NRK: variants seen among roughly 807,000 people sequenced by gnomAD.
The protein encoded by NRK is Nik related kinase.
NRK carries 67 observed loss-of-function variants against 125.2 expected under a neutral mutation model. The observed-to-expected ratio is 0.54, with a 90% CI of 0.44 to 0.66. The LOEUF (loss-of-function observed/expected upper bound fraction) is 0.66, where lower values mean the gene tolerates loss of function less well. Among genes scored for constraint, NRK ranks in the 30% least tolerant of loss-of-function variants. The probability of loss-of-function intolerance (pLI) is 0.00; values close to 1 mark genes in which losing one functional copy is unlikely to be tolerated. For missense variants in NRK, 1,224 were observed against 1,192.9 expected (o/e 1.03, Z -0.38); for synonymous variants, 458 against 429.0 (o/e 1.07, Z -0.84).
At chrX:105,954,077 G>A (rs1392931422) in intron 28 of NRK, among the ~76,000 whole-genome samples, 1 of 111,114 alleles carries the variant, frequency 9.0e-6, no homozygotes, top group Non-Finnish European at 1.9e-5. Context: ...CTGATCCTTA[G>A]TTCCTTCATC....
chrX:105,935,677 C>G (rs2040654803), intron 21 of NRK, among the ~76,000 whole-genome samples: 1 of 108,759 alleles, frequency 9.2e-6, no homozygotes, highest in Admixed American at 1.0e-4. Flanking sequence ...GTAATCCCAG[C>G]TACTTGGGAG....
chrX:105,824,832 G>A (rs757193299), intron 1 of NRK, among the ~76,000 whole-genome samples: 6 of 111,257 alleles, frequency 5.4e-5, no homozygotes, highest in African/African-American at 1.3e-4. Flanking sequence ...GGGGAGTAGC[G>A]AGAAGATACA....
chrX:105,857,754 G>A (rs1347422440), intron 2 of NRK, among the ~76,000 whole-genome samples: 2 of 111,591 alleles, frequency 1.8e-5, no homozygotes, highest in African/African-American at 3.3e-5. Context: ...TTGCAGACAC[G>A]TGGGCACATA....
rs1038955333 is a variant in NRK, at chrX:105,956,418, C to A, written c.*818C>A. The A allele has an allele frequency of 8.9e-6, 1 of 111,767 alleles. No individual in the cohort carries two copies. The highest frequency in any genetic ancestry group is 3.3e-5 in the African/African-American group (1 of 30,662). The allele number at this position is 111,767 out of a possible 1,213,427, so 9.2% of individuals were successfully genotyped here. A position where few individuals can be genotyped will look rare whatever the true frequency, so the allele number is the denominator to read the frequency against. ...TTTTTTAATACCTTAAGGTAGGCGT[C>A]AAATTCTACTCCCCAAAGCAGAGAT... On this transcript the variant is annotated 3_prime_UTR_variant, in exon 29 of 29. Transcript: ENST00000243300.
chrX:105,926,628 C>A (rs2040527463), intron 19 of NRK, among the ~76,000 whole-genome samples: 1 of 111,228 alleles, frequency 9.0e-6, no homozygotes, highest in Non-Finnish European at 1.9e-5. Flanking sequence ...GGTTTCAGAT[C>A]TTACATTTAA....
At chrX:105,926,850 A>G (rs937091113) in intron 19 of NRK, among the ~76,000 whole-genome samples, 3 of 111,116 alleles carry the variant, frequency 2.7e-5, no homozygotes, top group African/African-American at 9.8e-5. Flanking sequence ...ATACCGTTCC[A>G]TTGGTATGTG....
intron 2 of NRK, among the ~76,000 whole-genome samples, chrX:105,871,603 A>G (rs2039748580): frequency 9.0e-6 from 1 of 111,280 alleles, no homozygotes; most frequent in Non-Finnish European, 1.9e-5. Context: ...ATGATGTGCC[A>G]GGTACTGTGC....
intron 11 of NRK, among the ~76,000 whole-genome samples, chrX:105,906,801 G>T (rs2040226093): frequency 9.5e-6 from 1 of 105,222 alleles, no homozygotes; most frequent in African/African-American, 3.7e-5. Context: ...GTGTGTGTGT[G>T]TGTGTGTATA....
intron 7 of NRK, among the ~76,000 whole-genome samples, chrX:105,896,977 A>G (rs1327755085): frequency 8.9e-6 from 1 of 112,860 alleles, no homozygotes; most frequent in African/African-American, 3.2e-5. Flanking sequence ...ACACTGTCAT[A>G]TACTTGTGTC....
At chrX:105,851,460 T>A (rs920572247) in intron 2 of NRK, among the ~76,000 whole-genome samples, 3 of 112,324 alleles carry the variant, frequency 2.7e-5, no homozygotes, top group Non-Finnish European at 5.6e-5. Context: ...CCTTCCACAT[T>A]TCTCAAAATT....
chrX:105,823,238 C>T (rs1322791484), intron 1 of NRK, among the ~76,000 whole-genome samples: 1 of 112,327 alleles, frequency 8.9e-6, no homozygotes, highest in Non-Finnish European at 1.9e-5. Context: ...CTAGCCCGCT[C>T]GTTCCAACAG....
In NRK at chrX:105,859,846, C is replaced by T. The variant is rs756593872; in HGVS notation, c.124-20353C>T. Among the ~76,000 whole-genome samples, 5 of 111,406 alleles carry T rather than the reference C, an allele frequency of 4.5e-5. No homozygotes were observed. The South Asian group carries it at 1.9e-3, about 43-fold the overall frequency. On this transcript the variant is annotated intron_variant, in intron 2 of 28. Coordinates refer to ENST00000243300, the MANE Select transcript of NRK (RefSeq NM_198465.4). ...GGGGTGCAGAAGCCTTTTGAGGAGG[C>T]AGATGTGCAGTTGGGGTCTCTTGCC...
intron 10 of NRK, 48 bp downstream of exon 10, chrX:105,905,391 T>A: frequency 1.1e-6 from 1 of 924,320 alleles, no homozygotes; most frequent in Non-Finnish European, 1.6e-6. Context: ...TTGACATTTT[T>A]ATGTTAGCAA....
At chrX:105,856,566 T>C (rs1327490151) in intron 2 of NRK, among the ~76,000 whole-genome samples, 3 of 111,008 alleles carry the variant, frequency 2.7e-5, no homozygotes, top group Non-Finnish European at 5.7e-5. Context: ...GAACATAATA[T>C]ACCAGGCTAA....
intron 2 of NRK, among the ~76,000 whole-genome samples, chrX:105,873,252 T>G: frequency 9.0e-6 from 1 of 111,707 alleles, no homozygotes; most frequent in Middle Eastern, 4.6e-3. Context: ...TAATCAAGAT[T>G]ACAAGGCCAT....
chrX:105,956,538 T>G lies in NRK; in HGVS notation c.*938T>G, dbSNP rs1191736244. 1 of 112,059 alleles carries G rather than the reference T, an allele frequency of 8.9e-6. No homozygotes were observed. The highest frequency in any genetic ancestry group is 1.9e-5 in the Non-Finnish European group (1 of 53,168). 9.2% of individuals were successfully genotyped at this position (112,059 alleles called of 1,213,427 possible). On this transcript the variant is annotated 3_prime_UTR_variant, in exon 29 of 29. Transcript: ENST00000243300. ...TCCAAGATTAGACTACACAAAAGCT[T>G]CCTTCCAGTATTAAACAAAAAGAAT...
At chrX:105,846,449 A>G (rs1490219345) in intron 2 of NRK, among the ~76,000 whole-genome samples, 1 of 111,662 alleles carries the variant, frequency 9.0e-6, no homozygotes, top group East Asian at 2.8e-4. Context: ...TTCTGTTAAC[A>G]TAGCCCAGAG....
At chrX:105,853,271 C>T (rs912501874) in intron 2 of NRK, among the ~76,000 whole-genome samples, 3 of 111,834 alleles carry the variant, frequency 2.7e-5, no homozygotes, top group Non-Finnish European at 3.8e-5. Context: ...AGTAGGAGTA[C>T]TGGTTGGGGG....
intron 3 of NRK, among the ~76,000 whole-genome samples, chrX:105,880,572 A>G (rs2039872542): frequency 9.0e-6 from 1 of 110,907 alleles, no homozygotes; most frequent in Admixed American, 9.7e-5. Context: ...AGGGATAGCA[A>G]AGAAGAGATT....
Sources: gnomAD v4.1 joint callset for allele counts (sites outside exome capture counted in the v4.1 genomes callset) on GRCh38, gnomAD v4.1.1 for gene constraint, MANE v1.5 for transcripts, NCBI Gene and HGNC (gene_info 2026-07-23, HGNC 2026-07-21) for gene names.